Variants in AGBL4 observed in about 807,000 individuals in gnomAD.
AGBL4 encodes the protein AGBL carboxypeptidase 4.
AGBL4 carries 58 observed loss-of-function variants against 66.4 expected under a neutral mutation model. That is an observed-to-expected ratio of 0.87 (90% confidence interval 0.71 to 1.09). The LOEUF (loss-of-function observed/expected upper bound fraction) is 1.09. Ranked by LOEUF, AGBL4 falls within the 50% of genes least tolerant of loss-of-function variation. The probability of loss-of-function intolerance (pLI) is 0.00; values close to 1 mark genes in which losing one functional copy is unlikely to be tolerated. For synonymous variants in AGBL4, 234 were observed against 222.9 expected, an observed-to-expected ratio of 1.05 and a Z score of -0.44; for missense variants, 579 against 631.0, an observed-to-expected ratio of 0.92 and a Z score of 0.88.
intron 1 of AGBL4, among the ~76,000 whole-genome samples, chr1:49,930,622 T>G (rs1345954441): frequency 6.6e-6 from 1 of 152,064 alleles, no homozygotes; most frequent in Non-Finnish European, 1.5e-5. Flanking sequence ...CAAGGTTGGT[T>G]TAACATTCAA....
intron 1 of AGBL4, among the ~76,000 whole-genome samples, chr1:49,937,374 C>T (rs1331379229): frequency 2.0e-5 from 3 of 151,990 alleles, no homozygotes; most frequent in Non-Finnish European, 2.9e-5. Flanking sequence ...GACTTAGACT[C>T]CCACACAATA....
intron 4 of AGBL4, among the ~76,000 whole-genome samples, chr1:49,063,267 T>G (rs1428185539): frequency 1.3e-5 from 2 of 152,220 alleles, no homozygotes; most frequent in Admixed American, 1.3e-4. Context: ...GTGCAGTGTC[T>G]TTCAACCATT....
intron 1 of AGBL4, among the ~76,000 whole-genome samples, chr1:49,986,037 G>A (rs1659476914): frequency 6.6e-6 from 1 of 152,022 alleles, no homozygotes; most frequent in East Asian, 1.9e-4. Context: ...GAAATCTCTT[G>A]AGTTATTGAA....
intron 4 of AGBL4, among the ~76,000 whole-genome samples, chr1:49,071,222 G>T (rs1273204651): frequency 2.0e-5 from 3 of 151,742 alleles, no homozygotes; most frequent in Non-Finnish European, 4.4e-5. Flanking sequence ...TTTTTGAAGG[G>T]TTTTTTGTGT....
At chr1:48,967,713 G>C (rs1358889898) in intron 5 of AGBL4, among the ~76,000 whole-genome samples, 1 of 152,140 alleles carries the variant, frequency 6.6e-6, no homozygotes, top group Non-Finnish European at 1.5e-5. Flanking sequence ...AGGCAGGATA[G>C]ACAGAAGAAA....
chr1:49,846,382 G>C, intron 2 of AGBL4: 2 of 1,541,522 alleles, frequency 1.3e-6, no homozygotes, highest in Non-Finnish European at 1.8e-6. Flanking sequence ...CCAAGCACCA[G>C]AGAACTCACA....
At chr1:49,758,691 T>C (rs1265814764) in intron 2 of AGBL4, among the ~76,000 whole-genome samples, 1 of 150,364 alleles carries the variant, frequency 6.7e-6, no homozygotes, top group Non-Finnish European at 1.5e-5. Context: ...CATAACCCAA[T>C]CATATCTTAG....
chr1:48,969,016 A>T (rs1413405323), intron 5 of AGBL4, among the ~76,000 whole-genome samples: 3 of 152,262 alleles, frequency 2.0e-5, no homozygotes, highest in East Asian at 3.9e-4. Context: ...TTTTCCAGAA[A>T]ATATAGAATC....
intron 4 of AGBL4, among the ~76,000 whole-genome samples, chr1:49,155,599 T>A (rs1646414208): frequency 6.6e-6 from 1 of 152,264 alleles, no homozygotes; most frequent in East Asian, 1.9e-4. Context: ...ATAGACACTA[T>A]AGTCCTAGAT....
intron 5 of AGBL4, among the ~76,000 whole-genome samples, chr1:48,956,265 G>A (rs1657439378): frequency 6.6e-6 from 1 of 152,138 alleles, no homozygotes; most frequent in Admixed American, 6.5e-5. Flanking sequence ...ACATAGACAT[G>A]CCAACTGTTT....
intron 3 of AGBL4, among the ~76,000 whole-genome samples, chr1:49,374,950 G>A (rs961259694): frequency 4.6e-5 from 7 of 152,066 alleles, no homozygotes; most frequent in African/African-American, 1.4e-4. Context: ...TATGGCAAAG[G>A]CAATTCTATT....
chr1:49,444,276 G>A (rs922229241), intron 3 of AGBL4, among the ~76,000 whole-genome samples: 1 of 151,998 alleles, frequency 6.6e-6, no homozygotes, highest in Non-Finnish European at 1.5e-5. Context: ...AGGCCAGTTG[G>A]TATAAGCTCC....
At chr1:49,222,566 T>G (rs1649582214) in intron 4 of AGBL4, among the ~76,000 whole-genome samples, 1 of 152,194 alleles carries the variant, frequency 6.6e-6, no homozygotes, top group South Asian at 2.1e-4. Flanking sequence ...GTGATATCAG[T>G]GAAGTTCCTA....
rs950501345 is a variant in AGBL4, at chr1:48,736,799, C to G, written c.635-73558G>C. Among the ~76,000 whole-genome samples, 2 of 152,194 alleles carry G rather than the reference C, an allele frequency of 1.3e-5. No individual in the cohort carries two copies. Among genetic ancestry groups the G allele is most frequent in the African/African-American group, 4.8e-5 (2 of 41,446 alleles). ...TAAGTGGCAGAGTTGATATTCTACA[C>G]TATACTTAGTTTATCACAAGGCTGC... On this transcript the variant is annotated intron_variant, in intron 6 of 13. Coordinates refer to ENST00000371839, the MANE Select transcript of AGBL4 (RefSeq NM_032785.4). The surrounding 1 kb of genome is among the most constrained non-coding windows in gnomAD (Gnocchi z 4.0).
In AGBL4 at chr1:48,539,723, C is replaced by T. The variant is rs755308164; in HGVS notation, c.1283G>A (p.Arg428Gln). 16 of 1,539,954 alleles carry T rather than the reference C, an allele frequency of 1.0e-5. No homozygotes were observed. The highest frequency in any genetic ancestry group is 4.1e-5 in the African/African-American group (3 of 72,638). Residue 428 changes from arginine to glutamine, a missense_variant, in exon 12 of 14, where the codon CGG becomes CAG. By Grantham distance (43) the Arg-to-Gln change is conservative. Transcript: ENST00000371839. ...YTEEAYMKLG[R>Q]NVARTFLDYY... is the part of the protein sequence containing the mutation. ...GTCCAAAAAGGTTCTTGCCACATTC[C>T]GCCCCAGCTTCATATCTGCAGGTGT...
intron 2 of AGBL4, among the ~76,000 whole-genome samples, chr1:49,720,658 A>T (rs773931650): frequency 2.0e-5 from 3 of 152,164 alleles, no homozygotes; most frequent in Non-Finnish European, 2.9e-5. Flanking sequence ...TTGCAAATTC[A>T]TAGAGTTGTT....
At chr1:49,562,811 T>C (rs1292571176) in intron 3 of AGBL4, among the ~76,000 whole-genome samples, 3 of 152,156 alleles carry the variant, frequency 2.0e-5, no homozygotes, top group Non-Finnish European at 4.4e-5. Flanking sequence ...TGATTCCATA[T>C]GGACTTTAAA....
chr1:50,006,136 G>A (rs912576294), intron 1 of AGBL4, among the ~76,000 whole-genome samples: 4 of 152,078 alleles, frequency 2.6e-5, no homozygotes, highest in South Asian at 2.1e-4. Context: ...TCAGGAGATC[G>A]AGACCATCCT....
intron 5 of AGBL4, among the ~76,000 whole-genome samples, chr1:48,874,671 CA>C (rs1649043700): frequency 6.6e-6 from 1 of 152,056 alleles, no homozygotes; most frequent in Non-Finnish European, 1.5e-5. Context: ...AAGTTTCAGA[CA>C]ATAAAGTGGG....
Sources: gnomAD v4.1 joint callset for allele counts (sites outside exome capture counted in the v4.1 genomes callset) on GRCh38, gnomAD v4.1.1 for gene constraint, Gnocchi (gnomAD v3.1) non-coding constraint, MANE v1.5 for transcripts, NCBI Gene and HGNC (gene_info 2026-07-23, HGNC 2026-07-21) for gene names.